Variants in RALGAPA1 observed in about 807,000 individuals in gnomAD.
RALGAPA1 encodes the protein Ral GTPase activating protein catalytic subunit alpha 1.
RALGAPA1 carries 52 observed loss-of-function variants against 269.6 expected under a neutral mutation model. The ratio of observed to expected loss-of-function variants is 0.19; its 90% CI spans 0.15 to 0.24. The LOEUF is 0.24. Among genes scored for constraint, RALGAPA1 ranks in the 10% least tolerant of loss-of-function variants. The pLI is 1.00. For missense variants in RALGAPA1, 1,917 were observed against 3,013.9 expected (o/e 0.64, Z 8.52); for synonymous variants, 817 against 1,008.3 (o/e 0.81, Z 3.60).
chr14:35,772,834 T>A (rs977472190), intron 3 of RALGAPA1, among the ~76,000 whole-genome samples: 17 of 152,196 alleles, frequency 1.1e-4, no homozygotes, highest in Non-Finnish European at 2.2e-4. Context: ...TCTGCCTTGA[T>A]AATATACTGC....
intron 37 of RALGAPA1, among the ~76,000 whole-genome samples, chr14:35,586,121 AG>A (rs2058268198): frequency 6.6e-6 from 1 of 152,080 alleles, no homozygotes; most frequent in South Asian, 2.1e-4. Flanking sequence ...GTCCTCTTTT[AG>A]TTAGTTGAGC....
At chr14:35,762,278 TAC>T (rs2073777991) in intron 5 of RALGAPA1, among the ~76,000 whole-genome samples, 1 of 152,068 alleles carries the variant, frequency 6.6e-6, no homozygotes, top group Non-Finnish European at 1.5e-5. Context: ...GTTTTTAAGA[TAC>T]AGTCTCACTC....
At chr14:35,740,932 A>G (rs1405705315) in intron 11 of RALGAPA1, among the ~76,000 whole-genome samples, 1 of 152,260 alleles carries the variant, frequency 6.6e-6, no homozygotes, top group Non-Finnish European at 1.5e-5. Flanking sequence ...TGAATTTATC[A>G]GAAATGTAAA....
At chr14:35,783,920 T>G (rs1024609472) in intron 1 of RALGAPA1, among the ~76,000 whole-genome samples, 8 of 152,106 alleles carry the variant, frequency 5.3e-5, no homozygotes, top group Non-Finnish European at 1.0e-4. Flanking sequence ...TACCAAGTGT[T>G]GGCAATATGG....
intron 27 of RALGAPA1, among the ~76,000 whole-genome samples, chr14:35,663,148 C>T (rs2063663293): frequency 6.6e-6 from 1 of 152,032 alleles, no homozygotes; most frequent in Non-Finnish European, 1.5e-5. Flanking sequence ...AAGCAATCCT[C>T]CCACCTTGGC....
At chr14:35,725,676 G>C (rs1476338667) in intron 13 of RALGAPA1, among the ~76,000 whole-genome samples, 1 of 151,826 alleles carries the variant, frequency 6.6e-6, no homozygotes, top group African/African-American at 2.4e-5. Context: ...AAAGAAGCCT[G>C]GGCAACACAG....
rs548419211 is a variant in RALGAPA1 at position 35,662,078 on chromosome 14, T to C, written c.5328+2564A>G. Among the ~76,000 whole-genome samples, 3 of 152,250 alleles carry C rather than the reference T, an allele frequency of 2.0e-5. No individual in the cohort carries two copies. In the South Asian group the frequency reaches 6.2e-4, roughly 32 times the overall value. On this transcript the variant is annotated intron_variant, in intron 27 of 41. Coordinates refer to ENST00000680220, the MANE Select transcript of RALGAPA1 (RefSeq NM_001346249.2). ...ATTCTGTGACTATACTAAACATTAT[T>C]AAATGAGTGAACTGTAAAAACAAAA...
chr14:35,783,017 T>C (rs988115030), intron 1 of RALGAPA1, among the ~76,000 whole-genome samples: 1 of 151,628 alleles, frequency 6.6e-6, no homozygotes, highest in Non-Finnish European at 1.5e-5. Context: ...GAGACAGGCA[T>C]TGCCACATGT....
chr14:35,588,467 TAACA>T lies in RALGAPA1; in HGVS notation c.7209+7163_7209+7166del, dbSNP rs199513573. Among the ~76,000 whole-genome samples, 628 of 152,308 alleles carry T rather than the reference TAACA, an allele frequency of 4.1e-3. 10 individuals are homozygous for T. In the East Asian group the frequency reaches 0.046, roughly 11 times the overall value. On this transcript the variant is annotated intron_variant, in intron 37 of 41. Coordinates refer to ENST00000680220, the MANE Select transcript of RALGAPA1 (RefSeq NM_001346249.2). ...AAAAATATCCTGACATAGTTTTCTT[TAACA>T]AAAAAGTCATTTTAATAGAAAATAA...
In RALGAPA1 at chr14:35,700,298, C is replaced by T; in HGVS notation, c.2271G>A (p.Met757Ile). The T allele has an allele frequency of 6.6e-7, 1 of 1,509,672 alleles. No homozygotes were observed. Among genetic ancestry groups the T allele is most frequent in the East Asian group, 2.5e-5 (1 of 40,160 alleles). 93.5% of individuals were successfully genotyped at this position (1,509,672 alleles called of 1,614,324 possible). ...RSIVRQKTVA[M>I]RSRSIGECAL... ...CACATTCACCAATGGATCGGCTTCT[C>T]ATGGCTTTAAAAAAGGAAAAGAAAG... The change falls in exon 17 of 42, where the codon ATG becomes ATA. Residue 757 changes from methionine to isoleucine, a missense_variant. Physicochemically the swap from Met to Ile is conservative, Grantham distance 10 (BLOSUM62 1). This residue lies in a region of RALGAPA1 where 125 missense variants were observed against 155.7 expected (regional missense o/e 0.80). Transcript: ENST00000680220.
intron 26 of RALGAPA1, among the ~76,000 whole-genome samples, chr14:35,667,397 A>AAACAAC (rs545535807): frequency 1.3e-5 from 2 of 152,170 alleles, no homozygotes; most frequent in East Asian, 1.9e-4. Context: ...ACTCCATCTC[A>AAACAAC]AACAACAACA....
At position 35,627,357 on chromosome 14, in the gene RALGAPA1, G is replaced by C. The variant is rs200551162; in HGVS notation, c.6590C>G (p.Thr2197Ser). The C allele has an allele frequency of 4.3e-6, 7 of 1,613,916 alleles. No individual in the cohort carries two copies. The highest frequency in any genetic ancestry group is 2.2e-5 in the East Asian group (1 of 44,888). ...LDELLQYLGV[T>S]SPECLQRTGI... Reference sequence around the variant, plus strand: ...AGTTCTCTGTAAGCATTCAGGACTAGTAACACCCAAATACTGCAAGAGCTC... The same window carrying C: ...AGTTCTCTGTAAGCATTCAGGACTACTAACACCCAAATACTGCAAGAGCTC... Residue 2197 changes from threonine (T) to serine (S), a missense_variant, in exon 34 of 42, where the codon ACT becomes AGT. Physicochemically the swap from Thr to Ser is moderately conservative, Grantham distance 58. Transcript: ENST00000680220.
intron 1 of RALGAPA1, among the ~76,000 whole-genome samples, chr14:35,790,308 G>C (rs993734664): frequency 1.3e-5 from 2 of 151,992 alleles, no homozygotes; most frequent in African/African-American, 4.8e-5. Context: ...AACTGTGGCA[G>C]ACATGTTCAA....
At chr14:35,592,667 A>G (rs540082002) in intron 37 of RALGAPA1, among the ~76,000 whole-genome samples, 11 of 152,310 alleles carry the variant, frequency 7.2e-5, no homozygotes, top group African/African-American at 2.6e-4. Flanking sequence ...ACGAAGTGGG[A>G]CTTATCCCTG....
chr14:35,694,620 T>C (rs2066755463), intron 17 of RALGAPA1, among the ~76,000 whole-genome samples: 1 of 152,140 alleles, frequency 6.6e-6, no homozygotes, highest in African/African-American at 2.4e-5. Flanking sequence ...CAGTCGACTA[T>C]CTTCTCTTTT....
In RALGAPA1 at chr14:35,548,691, A is replaced by G. The variant is rs377535952; in HGVS notation, c.7622-153T>C. Among the ~76,000 whole-genome samples, 6 of 152,302 alleles carry G rather than the reference A, an allele frequency of 3.9e-5. No homozygotes were observed. In the South Asian group the frequency reaches 6.2e-4, roughly 16 times the overall value. On this transcript the variant is annotated intron_variant, in intron 40 of 41. Coordinates refer to ENST00000680220, the MANE Select transcript of RALGAPA1 (RefSeq NM_001346249.2). Reference sequence around the variant, plus strand: ...CTCTTTAATTATTGTAACATAAATTACAGTATTAAGTACTTCTAAATCTAG... The same window carrying G: ...CTCTTTAATTATTGTAACATAAATTGCAGTATTAAGTACTTCTAAATCTAG...
At chr14:35,697,347 T>C (rs1370686280) in intron 17 of RALGAPA1, among the ~76,000 whole-genome samples, 1 of 151,918 alleles carries the variant, frequency 6.6e-6, no homozygotes, top group Admixed American at 6.6e-5. Context: ...TTTGTTTTGT[T>C]TTGTTTTGTT....
chr14:35,631,638 C>T (rs371901548), intron 33 of RALGAPA1, among the ~76,000 whole-genome samples: 2 of 151,914 alleles, frequency 1.3e-5, no homozygotes, highest in East Asian at 3.9e-4. Flanking sequence ...TGAAAAGAAA[C>T]CACCATAGAA....
At chr14:35,539,758 G>A in intron 41 of RALGAPA1, 68 bp from the exon 42 acceptor site, 1 of 1,577,012 alleles carries the variant, frequency 6.3e-7, no homozygotes, top group Non-Finnish European at 8.6e-7. Context: ...TAATCTTTCT[G>A]CTACTAATCT....
Sources: gnomAD v4.1 joint callset for allele counts (sites outside exome capture counted in the v4.1 genomes callset) on GRCh38, gnomAD v4.1.1 for gene constraint, gnomAD v4.1.1 regional missense constraint, MANE v1.5 for transcripts, NCBI Gene and HGNC (gene_info 2026-07-23, HGNC 2026-07-21) for gene names.